Variants in FAP observed in about 807,000 individuals in gnomAD.
The protein encoded by FAP is prolyl endopeptidase FAP.
Under a neutral mutation model 126.5 loss-of-function variants are expected in FAP, and 110 were observed. The ratio of observed to expected loss-of-function variants is 0.87; its 90% CI spans 0.74 to 1.02. The LOEUF (loss-of-function observed/expected upper bound fraction) is 1.02. Ranked by LOEUF, FAP falls within the 50% of genes least tolerant of loss-of-function variation. FAP has a pLI of 0.00. For synonymous variants in FAP, 334 were observed against 297.3 expected, an observed-to-expected ratio of 1.12 and a Z score of -1.27; for missense variants, 919 against 909.2, an observed-to-expected ratio of 1.01 and a Z score of -0.14.
chr2:162,206,704 A>G (rs1688709731), intron 12 of FAP, among the ~76,000 whole-genome samples: 1 of 152,192 alleles, frequency 6.6e-6, no homozygotes, highest in African/African-American at 2.4e-5. Flanking sequence ...TCTGTCCTCT[A>G]CAGAGCAAAA....
intron 15 of FAP, 152 bp downstream of exon 15, chr2:162,200,414 T>TTATACTGATGTAG (rs56732199): frequency 0.052 from 29,544 of 566,886 alleles, 2,755 homozygotes; most frequent in Admixed American, 0.25. Context: ...TGTGTGTTTT[T>TTATACTGATGTAG]TATACCCATT....
intron 2 of FAP, among the ~76,000 whole-genome samples, chr2:162,233,414 C>T (rs1003567203): frequency 9.9e-5 from 15 of 152,048 alleles, no homozygotes; most frequent in Non-Finnish European, 1.5e-5. Flanking sequence ...TGCCTAATTG[C>T]TCCTCTGCAA....
At chr2:162,179,792 A>ATCTATCAATC (rs1375172893) in intron 21 of FAP, among the ~76,000 whole-genome samples, 23 of 96,694 alleles carry the variant, frequency 2.4e-4, no homozygotes, top group Non-Finnish European at 4.2e-4. Context: ...CTATCTATCT[A>ATCTATCAATC]TATATATATA....
chr2:162,172,632 C>G (rs78088774), intron 25 of FAP, 179 bp downstream of exon 25: 5,639 of 558,586 alleles, frequency 0.01, 65 homozygotes, highest in Non-Finnish European at 0.013. Flanking sequence ...TCTGGTTTGC[C>G]TCGGGTCCTT....
At chr2:162,179,792 A>ATCTATCTATCTATCTATC (rs1375172893) in intron 21 of FAP, among the ~76,000 whole-genome samples, 3 of 96,694 alleles carry the variant, frequency 3.1e-5, no homozygotes, top group African/African-American at 1.2e-4. Flanking sequence ...CTATCTATCT[A>ATCTATCTATCTATCTATC]TATATATATA....
chr2:162,202,713 A>T (rs1021136153), intron 14 of FAP, among the ~76,000 whole-genome samples, 159 bp downstream of exon 14: 29 of 152,226 alleles, frequency 1.9e-4, no homozygotes, highest in African/African-American at 6.8e-4. Flanking sequence ...AATCATTTTG[A>T]CTAGTTATTA....
chr2:162,173,030 A>C, intron 24 of FAP, 119 bp downstream of exon 24: 1 of 1,131,718 alleles, frequency 8.8e-7, no homozygotes, highest in Non-Finnish European at 1.3e-6. Context: ...AGATATGGAA[A>C]TGTCCCTGAC....
chr2:162,199,885 T>C (rs1256244423), intron 15 of FAP, among the ~76,000 whole-genome samples: 3 of 152,190 alleles, frequency 2.0e-5, no homozygotes, highest in Non-Finnish European at 4.4e-5. Context: ...CGGGTGGAAC[T>C]TTGGAAACAT....
chr2:162,179,130 T>C (rs978648783), intron 21 of FAP, among the ~76,000 whole-genome samples: 5 of 152,180 alleles, frequency 3.3e-5, no homozygotes, highest in African/African-American at 1.2e-4. Flanking sequence ...AAGAGCACTT[T>C]AAAAATTGAT....
intron 10 of FAP, among the ~76,000 whole-genome samples, chr2:162,214,815 A>G (rs997426163): frequency 2.0e-5 from 3 of 152,122 alleles, no homozygotes; most frequent in African/African-American, 7.2e-5. Flanking sequence ...TTCTATTTTT[A>G]TATAAAATCA....
chr2:162,205,667 C>A (rs1014171454), intron 12 of FAP, among the ~76,000 whole-genome samples: 2 of 152,136 alleles, frequency 1.3e-5, no homozygotes, highest in African/African-American at 4.8e-5. Context: ...GCATGCACCA[C>A]CACCCCCGGC....
chr2:162,172,234 T>G (rs933515642), intron 25 of FAP: 2 of 152,210 alleles, frequency 1.3e-5, no homozygotes, highest in African/African-American at 4.8e-5. Context: ...TTATTTTCTT[T>G]TCTGGTTCAA....
At chr2:162,234,870 GA>G (rs1434128257) in intron 2 of FAP, among the ~76,000 whole-genome samples, 1 of 152,148 alleles carries the variant, frequency 6.6e-6, no homozygotes, top group Non-Finnish European at 1.5e-5. Context: ...GAGAGGCAGG[GA>G]GGGGAACCCG....
At chr2:162,202,014 T>C (rs952412914) in intron 14 of FAP, among the ~76,000 whole-genome samples, 1 of 152,218 alleles carries the variant, frequency 6.6e-6, no homozygotes, top group Non-Finnish European at 1.5e-5. Flanking sequence ...ATTCCAAAGA[T>C]TCGTAATAGA....
chr2:162,192,890 C>G (rs1413231742), intron 17 of FAP, among the ~76,000 whole-genome samples: 1 of 152,084 alleles, frequency 6.6e-6, no homozygotes, highest in Admixed American at 6.6e-5. Flanking sequence ...ATTTCCTAAC[C>G]CCCCAAACCC....
At chr2:162,200,829 G>A (rs1398117744) in intron 14 of FAP, among the ~76,000 whole-genome samples, 3 of 152,098 alleles carry the variant, frequency 2.0e-5, no homozygotes, top group Admixed American at 1.3e-4. Flanking sequence ...AAATTATGCT[G>A]AATACTGTTT....
chr2:162,200,647 T>C (rs1289277187), intron 14 of FAP, 28 bp from the exon 15 acceptor site: 6 of 1,032,572 alleles, frequency 5.8e-6, no homozygotes, highest in Non-Finnish European at 8.7e-6. Flanking sequence ...AATTATTAAG[T>C]ATTGATAAAT....
chr2:162,188,056 C>A (rs534122389), intron 20 of FAP, 113 bp downstream of exon 20: 4 of 872,402 alleles, frequency 4.6e-6, no homozygotes, highest in Non-Finnish European at 7.1e-6. Context: ...AGTTTTAGAC[C>A]AAGTTAGAAA....
intron 12 of FAP, among the ~76,000 whole-genome samples, chr2:162,205,500 A>G (rs1290630653): frequency 2.0e-5 from 3 of 152,028 alleles, no homozygotes; most frequent in African/African-American, 7.2e-5. Context: ...AACCTCTTAT[A>G]ATGTCTCCCT....
Sources: allele counts gnomAD v4.1 joint callset (sites outside exome capture counted in the v4.1 genomes callset), GRCh38; gene constraint gnomAD v4.1.1; transcripts MANE v1.5; gene names NCBI Gene and HGNC (gene_info 2026-07-23, HGNC 2026-07-21).